SYK: variants seen among roughly 807,000 people sequenced by gnomAD.
SYK encodes the protein spleen associated tyrosine kinase.
SYK carries 16 observed loss-of-function variants against 77.8 expected under a neutral mutation model. That is an observed-to-expected ratio of 0.21 (90% confidence interval 0.14 to 0.31). SYK has a LOEUF of 0.31. Ranked by LOEUF, SYK falls within the 10% of genes least tolerant of loss-of-function variation. The pLI, the probability that SYK is intolerant of heterozygous loss-of-function variation, is 1.00. For synonymous variants in SYK, 312 were observed against 308.7 expected, an observed-to-expected ratio of 1.01 and a Z score of -0.11; for missense variants, 529 against 814.4, an observed-to-expected ratio of 0.65 and a Z score of 4.26.
At chr9:90,877,274 C>A (rs1480098559) in intron 9 of SYK, among the ~76,000 whole-genome samples, 1 of 152,154 alleles carries the variant, frequency 6.6e-6, no homozygotes. Context: ...AACTTCTGAC[C>A]TCAAGCAATC....
chr9:90,849,602 G>A (rs1826739920), intron 3 of SYK, among the ~76,000 whole-genome samples: 1 of 152,176 alleles, frequency 6.6e-6, no homozygotes, highest in Non-Finnish European at 1.5e-5. Context: ...GACAGATGCA[G>A]GGACACAGCA....
intron 3 of SYK, among the ~76,000 whole-genome samples, chr9:90,856,535 T>G (rs1695491393): frequency 6.6e-6 from 1 of 150,954 alleles, no homozygotes; most frequent in African/African-American, 2.4e-5. Context: ...CAATCTGCTC[T>G]TACGCTCATT....
rs933651208 is a variant in SYK, at chr9:90,862,374, G to A, written c.717+30G>A. The A allele has an allele frequency of 5.6e-6, 9 of 1,608,618 alleles. No individual in the cohort carries two copies. The African/African-American group carries it at 1.2e-4, about 21-fold the overall frequency. ...CCAGCCTCCTCTCCCCACCTTGTGG[G>A]TAGAGTACAGGGCACGTGGGGCTCC... On this transcript the variant is annotated intron_variant, in intron 4 of 13. Transcript: ENST00000375754.
rs200320837 is a variant in SYK, at chr9:90,878,930, C to A, written c.1558C>A (p.Arg520Ser). Residue 520 changes from arginine to serine, a missense_variant, in exon 11 of 14, where the codon CGT (arginine) becomes AGT (serine). Arg to Ser is a moderately radical substitution (Grantham distance 110). Transcript: ENST00000375754. ...TGATTTCGGACTTTCCAAAGCACTG[C>A]GTGCTGATGAAAACTACTACAAGGT... is the stretch of plus-strand genomic sequence containing the variant. ...ISDFGLSKAL[R>S]ADENYYKAQT... The A allele has an allele frequency of 3.3e-4, 528 of 1,611,492 alleles. No individual in the cohort carries two copies. The highest frequency in any genetic ancestry group is 4.3e-4 in the Non-Finnish European group (510 of 1,177,884).
At chr9:90,884,861 A>G (rs1486072388) in intron 11 of SYK, among the ~76,000 whole-genome samples, 3 of 31,992 alleles carry the variant, frequency 9.4e-5, no homozygotes, top group Admixed American at 6.1e-4. Context: ...ATATGTGTGT[A>G]TATACATATA....
chr9:90,884,250 C>CATACACATACGTGTATATATACACACAT lies in SYK; in HGVS notation c.1582-3489_1582-3488insGTGTATATATACACACATATACACATAC, dbSNP rs1828307725. Among the ~76,000 whole-genome samples, 23 of 36,934 alleles carry CATACACATACGTGTATATATACACACAT rather than the reference C, an allele frequency of 6.2e-4. 1 individual carries two copies. Among genetic ancestry groups the CATACACATACGTGTATATATACACACAT allele is most frequent in the Non-Finnish European group, 1.0e-3 (20 of 19,970 alleles). The allele number at this position is 36,934 out of a possible 152,430, so 24.2% of individuals were successfully genotyped here. ...ACATACACATACGTGTATATATACA[C>CATACACATACGTGTATATATACACACAT]ATACACATACACATACGTGTATATA... On this transcript the variant is annotated intron_variant, in intron 11 of 13. Transcript: ENST00000375754.
At chr9:90,857,383 A>G (rs1422526008) in intron 3 of SYK, among the ~76,000 whole-genome samples, 1 of 152,240 alleles carries the variant, frequency 6.6e-6, no homozygotes, top group East Asian at 1.9e-4. Context: ...GATGCTGATC[A>G]AAGTCTCCTT....
At chr9:90,890,948 G>T (rs1025671009) in intron 13 of SYK, among the ~76,000 whole-genome samples, 1 of 152,150 alleles carries the variant, frequency 6.6e-6, no homozygotes, top group Admixed American at 6.5e-5. Context: ...GAGAGACAAG[G>T]GCTCCCAAGT....
rs797018161 is a variant in SYK at position 90,879,403 on chromosome 9, G to A, written c.1581+450G>A. Among the ~76,000 whole-genome samples, 4 of 152,298 alleles carry A rather than the reference G, an allele frequency of 2.6e-5. 1 individual carries two copies. The highest frequency in any genetic ancestry group is 9.6e-5 in the African/African-American group (4 of 41,562). On this transcript the variant is annotated intron_variant, in intron 11 of 13. Transcript: ENST00000375754. ...CATCCATGGCATCCTTTTCTGATAG[G>A]ACATTTCATAACATGTGGTGGAACA...
intron 13 of SYK, among the ~76,000 whole-genome samples, chr9:90,889,448 T>G (rs73650272): frequency 1.8e-3 from 279 of 152,324 alleles, no homozygotes; most frequent in African/African-American, 6.5e-3. Context: ...GGAATCAGGT[T>G]TGCCTTCAGA....
At chr9:90,804,555 A>G (rs928724110) in intron 1 of SYK, among the ~76,000 whole-genome samples, 1 of 152,112 alleles carries the variant, frequency 6.6e-6, no homozygotes, top group African/African-American at 2.4e-5. Flanking sequence ...ATTTTCCACT[A>G]CTTCTGGATT....
chr9:90,816,347 T>C (rs1214015098), intron 1 of SYK, among the ~76,000 whole-genome samples: 1 of 152,204 alleles, frequency 6.6e-6, no homozygotes, highest in Non-Finnish European at 1.5e-5. Context: ...CATCAGAACC[T>C]TCCACAGTCA....
At chr9:90,839,461 G>A (rs1455875576) in intron 1 of SYK, among the ~76,000 whole-genome samples, 1 of 152,106 alleles carries the variant, frequency 6.6e-6, no homozygotes, top group African/African-American at 2.4e-5. Flanking sequence ...TCCCTGGCGT[G>A]TGCCTGGAGG....
intron 13 of SYK, among the ~76,000 whole-genome samples, chr9:90,893,050 T>G (rs1264941993): frequency 6.6e-6 from 1 of 152,244 alleles, no homozygotes; most frequent in Non-Finnish European, 1.5e-5. Flanking sequence ...GCTCCTGCTA[T>G]GCAGGCTGCC....
intron 4 of SYK, among the ~76,000 whole-genome samples, chr9:90,863,483 T>C (rs1171978084): frequency 6.6e-6 from 1 of 152,206 alleles, no homozygotes; most frequent in Non-Finnish European, 1.5e-5. Context: ...CCAAATGTGA[T>C]TTGCTTTCTA....
intron 1 of SYK, among the ~76,000 whole-genome samples, chr9:90,826,778 G>A (rs1054937696): frequency 6.6e-6 from 1 of 152,218 alleles, no homozygotes; most frequent in Non-Finnish European, 1.5e-5. Flanking sequence ...GTAAGGGAAT[G>A]TTAGTAGATG....
chr9:90,844,430 C>G (rs1826501173), intron 2 of SYK, 115 bp downstream of exon 2: 1 of 1,227,224 alleles, frequency 8.1e-7, no homozygotes, highest in Admixed American at 3.0e-5. Flanking sequence ...AATAACACAA[C>G]CATCTCCTTA....
intron 11 of SYK, among the ~76,000 whole-genome samples, chr9:90,883,947 C>T (rs1410830734): frequency 6.6e-6 from 1 of 152,116 alleles, no homozygotes; most frequent in Non-Finnish European, 1.5e-5. Flanking sequence ...ACTGCTGTCA[C>T]CACTGGGGTC....
At chr9:90,835,983 T>A (rs901297850) in intron 1 of SYK, among the ~76,000 whole-genome samples, 6 of 152,300 alleles carry the variant, frequency 3.9e-5, no homozygotes, top group African/African-American at 1.2e-4. Context: ...ATGAACTCCA[T>A]AGCCCAGAAA....
Sources: allele counts gnomAD v4.1 joint callset (sites outside exome capture counted in the v4.1 genomes callset), GRCh38; gene constraint gnomAD v4.1.1; transcripts MANE v1.5; gene names NCBI Gene and HGNC (gene_info 2026-07-23, HGNC 2026-07-21).